The following ANKS1A variants were observed in gnomAD, a reference collection of about 807,000 sequenced individuals.
The protein encoded by ANKS1A is ankyrin repeat and SAM domain-containing protein 1A.
In ANKS1A, 55 loss-of-function variants were observed where a neutral mutation model predicts 120.3. That is an observed-to-expected ratio of 0.46 (90% confidence interval 0.37 to 0.57). The LOEUF is 0.57. ANKS1A is among the 20% of genes least tolerant of loss of function. The pLI, the probability that ANKS1A is intolerant of heterozygous loss-of-function variation, is 0.00. For missense variants in ANKS1A, 1,123 were observed against 1,480.3 expected (o/e 0.76, Z 3.96); for synonymous variants, 590 against 604.7 (o/e 0.98, Z 0.36).
At position 34,982,043 on chromosome 6, in the gene ANKS1A, G is replaced by A; in HGVS notation, c.732+57G>A. ...CAAGAGACTCAGTCATTTTGCAGAA[G>A]GCACAAGGACCATGCTGCTGGGCTG... On this transcript the variant is annotated intron_variant, in intron 4 of 23. Transcript: ENST00000360359. This position sits in a 1 kb window ranked among gnomAD's most constrained non-coding sequence, Gnocchi z 4.9. 6.3e-7 allele frequency: 1 copy of A among 1,590,018 alleles called. No individual in the cohort carries two copies. Among genetic ancestry groups the A allele is most frequent in the Non-Finnish European group, 8.6e-7 (1 of 1,166,878 alleles).
intron 1 of ANKS1A, among the ~76,000 whole-genome samples, chr6:34,914,299 T>A (rs1299859207): frequency 6.6e-6 from 1 of 152,222 alleles, no homozygotes; most frequent in African/African-American, 2.4e-5. Context: ...ATTTAAAAAA[T>A]TCATACAAAT....
chr6:34,918,537 C>T (rs1266559784), intron 1 of ANKS1A, among the ~76,000 whole-genome samples: 3 of 152,168 alleles, frequency 2.0e-5, no homozygotes, highest in Non-Finnish European at 4.4e-5. Context: ...AAGCTCATCC[C>T]CAGTGCATGT....
intron 9 of ANKS1A, among the ~76,000 whole-genome samples, chr6:34,991,738 A>G (rs1473190087): frequency 1.6e-5 from 1 of 64,252 alleles, no homozygotes; most frequent in East Asian, 4.1e-4. Context: ...ATACACATAT[A>G]TATACATATA....
chr6:34,955,071 C>A (rs1770286052), intron 1 of ANKS1A, among the ~76,000 whole-genome samples: 1 of 151,906 alleles, frequency 6.6e-6, no homozygotes, highest in South Asian at 2.1e-4. Context: ...CACTATAATT[C>A]TATTTTTTTC....
rs758222999 is a variant in ANKS1A, at chr6:35,090,179, C to T, written c.*1570C>T. 4.9e-5 allele frequency: 63 copies of T among 1,289,464 alleles called. 1 individual carries two copies. The Middle Eastern group carries it at 8.5e-4, about 17-fold the overall frequency. The allele number at this position is 1,289,464 out of a possible 1,614,324, so 79.9% of individuals were successfully genotyped here. On this transcript the variant is annotated 3_prime_UTR_variant, in exon 24 of 24. Transcript: ENST00000360359. The stretch of plus-strand genomic sequence containing the variant: ...CCCTCCTCCACTTCTTGGTACTAAA[C>T]GAAGATCTCGACACCTTGCAGTTTT...
chr6:35,012,853 C>T (rs1316043304), intron 10 of ANKS1A, among the ~76,000 whole-genome samples: 1 of 152,162 alleles, frequency 6.6e-6, no homozygotes, highest in Non-Finnish European at 1.5e-5. Context: ...GCCTCCCTCC[C>T]TGTGTGCCAC....
chr6:35,035,596 C>G (rs1266958526), intron 11 of ANKS1A, among the ~76,000 whole-genome samples: 1 of 152,158 alleles, frequency 6.6e-6, no homozygotes, highest in Non-Finnish European at 1.5e-5. Context: ...ACCCTCATGT[C>G]ACATTGACAC....
In ANKS1A at chr6:35,090,697, G is replaced by A. The variant is rs1778255091; in HGVS notation, c.*2088G>A. 1.0e-6 allele frequency: 1 copy of A among 988,632 alleles called. No individual in the cohort carries two copies. Among genetic ancestry groups the A allele is most frequent in the Non-Finnish European group, 1.2e-6 (1 of 832,154 alleles). 61.2% of individuals were successfully genotyped at this position (988,632 alleles called of 1,614,324 possible). A position where few individuals can be genotyped will look rare whatever the true frequency, so the allele number is the denominator to read the frequency against. The stretch of plus-strand genomic sequence containing the variant: ...CCTAGAAAGGTTATTATAACTTTAA[G>A]GACAGGCTTCAAGTGGGAAGGCCCC... On this transcript the variant is annotated 3_prime_UTR_variant, in exon 24 of 24. Transcript: ENST00000360359.
At chr6:35,065,077 C>T (rs553341862) in intron 13 of ANKS1A, among the ~76,000 whole-genome samples, 8 of 152,270 alleles carry the variant, frequency 5.3e-5, no homozygotes, top group African/African-American at 1.7e-4. Flanking sequence ...GGAGTTGATG[C>T]TGCACCAGGG....
rs968994939 is a variant in ANKS1A, at chr6:35,016,792, A to G, written c.1424-681A>G. ...AAAAAAAAAAAAAAAAGAGAGAGAG[A>G]AAGAAAAGTCTGTGCTCCCTGAGGA... On this transcript the variant is annotated intron_variant, in intron 10 of 23. Coordinates refer to ENST00000360359, the MANE Select transcript of ANKS1A (RefSeq NM_015245.3). 1.2e-4 allele frequency among the ~76,000 whole-genome samples: 18 copies of G among 148,830 alleles called. No homozygotes were observed. The East Asian group carries it at 3.3e-3, about 27-fold the overall frequency.
intron 1 of ANKS1A, among the ~76,000 whole-genome samples, chr6:34,896,333 G>C (rs1003992283): frequency 6.6e-6 from 1 of 152,094 alleles, no homozygotes; most frequent in Admixed American, 6.5e-5. Context: ...GCCTCCCAAA[G>C]TGCTGGAATT....
rs1034405611 is a variant in ANKS1A, at chr6:35,083,204, A to G, written c.2885A>G (p.Gln962Arg). ...GATCTGCGAGGGACAGAATCCACGC[A>G]AGACGCCTGTGCCAAGATGCGGGTA... The part of the protein sequence containing the change: ...IKDLRGTEST[Q>R]DACAKMRKST... The change falls in exon 19 of 24, where the codon CAA (glutamine) becomes CGA (arginine). Residue 962 changes from glutamine to arginine, a missense_variant. Physicochemically the swap from Gln to Arg is conservative, Grantham distance 43 (BLOSUM62 1). Coordinates refer to ENST00000360359, the MANE Select transcript of ANKS1A (RefSeq NM_015245.3). 3.7e-6 allele frequency: 6 copies of G among 1,614,040 alleles called. No individual in the cohort carries two copies. In the African/African-American group the frequency reaches 8.0e-5, roughly 22 times the overall value.
chr6:34,914,601 G>A (rs1310557382), intron 1 of ANKS1A, among the ~76,000 whole-genome samples: 1 of 152,154 alleles, frequency 6.6e-6, no homozygotes, highest in Non-Finnish European at 1.5e-5. Flanking sequence ...GTGAAACAGA[G>A]TTAAAGGAAT....
At chr6:35,072,229 C>T (rs1777118611) in intron 13 of ANKS1A, among the ~76,000 whole-genome samples, 1 of 152,266 alleles carries the variant, frequency 6.6e-6, no homozygotes. Flanking sequence ...GCCCCTGCCG[C>T]TTCTCCTGCC....
chr6:35,062,341 G>T (rs1350360934), intron 13 of ANKS1A, among the ~76,000 whole-genome samples: 2 of 152,252 alleles, frequency 1.3e-5, no homozygotes, highest in Admixed American at 6.5e-5. Flanking sequence ...GGCCAGGTGG[G>T]CTGTCAGGCA....
rs150627110 is a variant in ANKS1A at position 34,972,613 on chromosome 6, C to T, written c.435+2447C>T. ...TTGAGATCAAAGAACTCAAAAAGTA[C>T]GGCCCCTTTGACCCTTATATCAATG... On this transcript the variant is annotated intron_variant, in intron 3 of 23. Transcript: ENST00000360359. 1.1e-4 allele frequency: 108 copies of T among 985,318 alleles called. No individual in the cohort carries two copies. In the East Asian group the frequency reaches 0.011, roughly 99 times the overall value. 61.0% of individuals were successfully genotyped at this position (985,318 alleles called of 1,614,324 possible).
intron 10 of ANKS1A, among the ~76,000 whole-genome samples, chr6:35,006,025 A>G (rs1773429603): frequency 6.6e-6 from 1 of 152,082 alleles, no homozygotes; most frequent in South Asian, 2.1e-4. Flanking sequence ...TGTCTCTACT[A>G]AAAATACAAA....
chr6:35,083,987 T>G, intron 20 of ANKS1A, 134 bp from the exon 21 acceptor site: 1 of 1,383,224 alleles, frequency 7.2e-7, no homozygotes, highest in Non-Finnish European at 9.8e-7. Flanking sequence ...ATAAACAAAA[T>G]GAGAAGATGA....
chr6:34,998,151 G>A (rs148344915), intron 10 of ANKS1A, among the ~76,000 whole-genome samples: 2 of 152,330 alleles, frequency 1.3e-5, no homozygotes, highest in African/African-American at 4.8e-5. Flanking sequence ...AGCCTAGAAG[G>A]AGTGCCTGCT....
Sources: gnomAD v4.1 joint callset for allele counts (sites outside exome capture counted in the v4.1 genomes callset) on GRCh38, gnomAD v4.1.1 for gene constraint, Gnocchi (gnomAD v3.1) non-coding constraint, MANE v1.5 for transcripts, NCBI Gene and HGNC (gene_info 2026-07-23, HGNC 2026-07-21) for gene names.